Variants in IFT80 observed in about 807,000 individuals in gnomAD.
IFT80 encodes the protein intraflagellar transport 80.
A neutral mutation model predicts 107.9 loss-of-function variants in IFT80; 79 were observed. The ratio of observed to expected loss-of-function variants is 0.73; its 90% CI spans 0.61 to 0.88. The LOEUF (loss-of-function observed/expected upper bound fraction) is 0.88, where lower values mean the gene tolerates loss of function less well. Ranked by LOEUF, IFT80 falls within the 40% of genes least tolerant of loss-of-function variation. The pLI is 0.00. For synonymous variants in IFT80, 299 were observed against 300.9 expected, an observed-to-expected ratio of 0.99 and a Z score of 0.07; for missense variants, 797 against 914.2, an observed-to-expected ratio of 0.87 and a Z score of 1.65.
At chr3:160,383,920 A>G in intron 2 of IFT80, 1 of 985,422 alleles carries the variant, frequency 1.0e-6, no homozygotes. Flanking sequence ...ATGCTAGATC[A>G]CACTAGCAAA....
chr3:160,318,670 G>C (rs556444637), intron 9 of IFT80, among the ~76,000 whole-genome samples: 1 of 152,090 alleles, frequency 6.6e-6, no homozygotes, highest in South Asian at 2.1e-4. Flanking sequence ...GAACCTTCTT[G>C]TATTAATCTA....
chr3:160,340,818 T>C (rs1446099343), intron 8 of IFT80, among the ~76,000 whole-genome samples: 1 of 152,228 alleles, frequency 6.6e-6, no homozygotes, highest in African/African-American at 2.4e-5. Context: ...AAAGTTCCTT[T>C]TGCCATATTA....
At chr3:160,317,044 CA>C (rs1559936231) in intron 9 of IFT80, among the ~76,000 whole-genome samples, 1 of 151,998 alleles carries the variant, frequency 6.6e-6, no homozygotes, top group Non-Finnish European at 1.5e-5. Flanking sequence ...AAATCAATTA[CA>C]GCTGAATTTA....
intron 19 of IFT80, among the ~76,000 whole-genome samples, chr3:160,259,555 G>A (rs1237262193): frequency 6.6e-6 from 1 of 152,196 alleles, no homozygotes; most frequent in Non-Finnish European, 1.5e-5. Flanking sequence ...GTTAGAGAAA[G>A]CGAAGGGAAA....
In IFT80 at chr3:160,324,239, A is replaced by G. The variant is rs546755790; in HGVS notation, c.778-4300T>C. Among the ~76,000 whole-genome samples the G allele has an allele frequency of 1.2e-4, 18 of 152,332 alleles. No homozygotes were observed. The South Asian group carries it at 3.5e-3, about 30-fold the overall frequency. On this transcript the variant is annotated intron_variant, in intron 8 of 19. Transcript: ENST00000326448. ...GTACCATTCCTTCTGAAACTATTCC[A>G]GTCAATAGAAAAAGAGGGAATCCTT... is the stretch of plus-strand genomic sequence containing the variant.
chr3:160,398,386 T>C (rs9843737), intron 1 of IFT80, among the ~76,000 whole-genome samples: 6,316 of 152,046 alleles, frequency 0.042, 234 homozygotes, highest in Middle Eastern at 0.1. Flanking sequence ...AGACCCTAAG[T>C]AAGCAAAAGT....
In IFT80 at chr3:160,329,544, G is replaced by T. The variant is rs1718932211; in HGVS notation, c.778-9605C>A. Among the ~76,000 whole-genome samples the T allele has an allele frequency of 2.0e-5, 3 of 152,102 alleles. 1 individual carries two copies. The South Asian group carries it at 6.2e-4, about 32-fold the overall frequency. ...CTCCAGAGGCAAGTCAGTTCATCAA[G>T]GGAGAGGTACCTTCCCTGTACTGGG... On this transcript the variant is annotated intron_variant, in intron 8 of 19. Coordinates refer to ENST00000326448, the MANE Select transcript of IFT80 (RefSeq NM_020800.3).
At chr3:160,355,984 A>G in intron 8 of IFT80, 29 bp downstream of exon 8, 1 of 1,613,298 alleles carries the variant, frequency 6.2e-7, no homozygotes. Flanking sequence ...ATGACAGCAC[A>G]TCTGTGATTG....
chr3:160,372,574 C>T (rs1475212235), intron 5 of IFT80, among the ~76,000 whole-genome samples: 2 of 152,140 alleles, frequency 1.3e-5, no homozygotes, highest in Non-Finnish European at 2.9e-5. Flanking sequence ...ATGCATAGTT[C>T]TACAGTAAGT....
chr3:160,375,922 G>T, intron 4 of IFT80, 42 bp from the exon 5 acceptor site: 1 of 1,294,262 alleles, frequency 7.7e-7, no homozygotes, highest in Non-Finnish European at 1.1e-6. Flanking sequence ...TTTACCTATA[G>T]AAAATAAATT....
intron 5 of IFT80, 81 bp downstream of exon 5, chr3:160,375,731 A>C (rs1383747306): frequency 1.1e-6 from 1 of 905,728 alleles, no homozygotes; most frequent in African/African-American, 1.7e-5. Flanking sequence ...CCACCGTATT[A>C]GATTGTTTCT....
intron 15 of IFT80, 115 bp downstream of exon 15, chr3:160,280,552 A>G (rs1714606310): frequency 4.8e-6 from 4 of 840,084 alleles, no homozygotes; most frequent in Non-Finnish European, 7.7e-6. Flanking sequence ...TTATTCATCA[A>G]TAAATCTGAC....
Position 160,300,736 on chromosome 3 carries a change from T to C in IFT80, c.1315+147A>G, listed in dbSNP as rs16831170. ...CAACTTCAGCTGCTTAATTAACTCA[T>C]GTTTTGAAAACAAAATAGAAAGCTC... On this transcript the variant is annotated intron_variant, in intron 12 of 19. Coordinates refer to ENST00000326448, the MANE Select transcript of IFT80 (RefSeq NM_020800.3). The C allele has an allele frequency of 1.5e-3, 941 of 640,706 alleles. 11 individuals carry two copies. The African/African-American group carries it at 0.016, about 11-fold the overall frequency. The allele number at this position is 640,706 out of a possible 1,614,324, so 39.7% of individuals were successfully genotyped here. A position where few individuals can be genotyped will look rare whatever the true frequency, so the allele number is the denominator to read the frequency against.
chr3:160,298,902 T>G (rs548350936), intron 12 of IFT80, among the ~76,000 whole-genome samples: 1 of 152,190 alleles, frequency 6.6e-6, no homozygotes, highest in African/African-American at 2.4e-5. Context: ...ACTATGACAT[T>G]ACAATGGCTA....
intron 12 of IFT80, among the ~76,000 whole-genome samples, chr3:160,290,325 T>C (rs1715447971): frequency 6.6e-6 from 1 of 151,346 alleles, no homozygotes; most frequent in Non-Finnish European, 1.5e-5. Flanking sequence ...GGAGAATCAC[T>C]TGAACCTGGG....
At chr3:160,269,174 A>G (rs964528417) in intron 18 of IFT80, among the ~76,000 whole-genome samples, 18 of 151,296 alleles carry the variant, frequency 1.2e-4, no homozygotes, top group African/African-American at 4.1e-4. Flanking sequence ...AGTTGCAGTG[A>G]GCTGAGATCG....
At position 160,323,318 on chromosome 3, in the gene IFT80, C is replaced by G. The variant is rs377574479; in HGVS notation, c.778-3379G>C. 1.8e-3 allele frequency among the ~76,000 whole-genome samples: 276 copies of G among 149,508 alleles called. 1 individual carries two copies. The highest frequency in any genetic ancestry group is 0.014 in the East Asian group (70 of 5,030). On this transcript the variant is annotated intron_variant, in intron 8 of 19. Coordinates refer to ENST00000326448, the MANE Select transcript of IFT80 (RefSeq NM_020800.3). ...AATCCTTTCCCCATTGCTTGTTTTTCTCAGGTTTGTCAAAGATCAGATAGT... is the reference window on the plus strand; with the variant it reads ...AATCCTTTCCCCATTGCTTGTTTTTGTCAGGTTTGTCAAAGATCAGATAGT...
chr3:160,399,008 C>G (rs1182480717), intron 1 of IFT80, 138 bp downstream of exon 1: 2 of 152,218 alleles, frequency 1.3e-5, no homozygotes, highest in Non-Finnish European at 2.9e-5. Context: ...AAGCTACACC[C>G]GGAGCCCCGC....
At chr3:160,346,546 T>G (rs1433412061) in intron 8 of IFT80, among the ~76,000 whole-genome samples, 5 of 152,208 alleles carry the variant, frequency 3.3e-5, no homozygotes, top group Non-Finnish European at 7.3e-5. Context: ...AATTGGATGT[T>G]TTTAATATCA....
Sources: allele counts gnomAD v4.1 joint callset (sites outside exome capture counted in the v4.1 genomes callset), GRCh38; gene constraint gnomAD v4.1.1; transcripts MANE v1.5; gene names NCBI Gene and HGNC (gene_info 2026-07-23, HGNC 2026-07-21).